The following AKAP12 variants were observed in gnomAD, a reference collection of about 807,000 sequenced individuals.
The protein encoded by AKAP12 is A-kinase anchoring protein 12.
Under a neutral mutation model 79.9 loss-of-function variants are expected in AKAP12, and 32 were observed. The ratio of observed to expected loss-of-function variants is 0.40; its 90% confidence interval spans 0.30 to 0.54. AKAP12 has a LOEUF of 0.54. AKAP12 is among the 20% of genes least tolerant of loss of function. The pLI, the probability that AKAP12 is intolerant of heterozygous loss-of-function variation, is 0.48. For synonymous variants in AKAP12, 808 were observed against 857.0 expected, an observed-to-expected ratio of 0.94 and a Z score of 1.00; for missense variants, 2,074 against 2,177.0, an observed-to-expected ratio of 0.95 and a Z score of 0.94.
At chr6:151,322,073 C>G (rs1386098697) in intron 3 of AKAP12, among the ~76,000 whole-genome samples, 3 of 152,104 alleles carry the variant, frequency 2.0e-5, no homozygotes, top group Non-Finnish European at 2.9e-5. Context: ...CCACGCCCGG[C>G]TAATTTTTGT....
rs76282856 is a variant in AKAP12, at chr6:151,343,163, T to C, written c.320-5548T>C. Among the ~76,000 whole-genome samples, 186 of 152,166 alleles carry C rather than the reference T, an allele frequency of 1.2e-3. No individual in the cohort carries two copies. The East Asian group carries it at 0.025, about 20-fold the overall frequency. Reference sequence around the variant, plus strand: ...CGGCCCTTTCAGAATGAAGCAGAAGTGTTTCCAATGGAAACACAGATTTAA... The same window carrying C: ...CGGCCCTTTCAGAATGAAGCAGAAGCGTTTCCAATGGAAACACAGATTTAA... On this transcript the variant is annotated intron_variant, in intron 3 of 4. Transcript: ENST00000402676.
In AKAP12 at chr6:151,351,023, A is replaced by G. The variant is rs150529828; in HGVS notation, c.2632A>G (p.Thr878Ala). The change falls in exon 4 of 5, where the codon ACT (threonine) becomes GCT (alanine). Residue 878 changes from threonine (T) to alanine (A), a missense_variant. Physicochemically the swap from Thr to Ala is moderately conservative, Grantham distance 58. Around this residue, in one of 3 missense-constraint regions of AKAP12, gnomAD observed 1,428 missense variants for 1,451.0 expected, o/e 0.98. Coordinates refer to ENST00000402676, the MANE Select transcript of AKAP12 (RefSeq NM_005100.4). This position sits in a 1 kb window ranked among gnomAD's most constrained non-coding sequence, Gnocchi z 4.4. The stretch of plus-strand genomic sequence containing the variant: ...AGAGCAGCCCGAGCAGAAGGCAGCC[A>G]CTGAGGTGTCCAAGGAGCTCAGCGA... ...SAEQPEQKAA[T>A]EVSKELSESQ... 185 of 1,614,148 alleles carry G rather than the reference A, an allele frequency of 1.1e-4. No individual in the cohort carries two copies. The highest frequency in any genetic ancestry group is 1.4e-4 in the Non-Finnish European group (170 of 1,180,030).
intron 2 of AKAP12, among the ~76,000 whole-genome samples, chr6:151,248,727 C>A (rs922570503): frequency 5.3e-5 from 8 of 152,130 alleles, no homozygotes; most frequent in African/African-American, 1.2e-4. Flanking sequence ...TGGTGGCTCA[C>A]GCCTGTAATC....
At chr6:151,318,109 G>A (rs145324139) in intron 3 of AKAP12, among the ~76,000 whole-genome samples, 1 of 152,090 alleles carries the variant, frequency 6.6e-6, no homozygotes, top group Non-Finnish European at 1.5e-5. Context: ...GCCTTTGTGA[G>A]GTACTTAGGT....
rs779322956 is a variant in AKAP12, at chr6:151,352,879, A to C, written c.4488A>C (p.Leu1496Phe). The C allele has an allele frequency of 2.4e-5, 38 of 1,614,218 alleles. No individual in the cohort carries two copies. The highest frequency in any genetic ancestry group is 3.2e-5 in the Non-Finnish European group (38 of 1,180,044). Residue 1496 changes from leucine to phenylalanine, a missense_variant, in exon 4 of 5, where the codon TTA (leucine) becomes TTC (phenylalanine). Leu to Phe is a conservative substitution (Grantham distance 22). This residue lies in a region of AKAP12 where 614 missense variants were observed against 665.6 expected (regional missense o/e 0.92). Coordinates refer to ENST00000402676, the MANE Select transcript of AKAP12 (RefSeq NM_005100.4). ...VIVSATTKKGLSSDLEGEKTT... is the reference protein window; with the variant it reads ...VIVSATTKKGFSSDLEGEKTT... ...TATCTGCTACTACCAAGAAAGGCTTAAGTTCCGACCTGGAAGGAGAGAAAA... is the reference window on the plus strand; with the variant it reads ...TATCTGCTACTACCAAGAAAGGCTTCAGTTCCGACCTGGAAGGAGAGAAAA...
intron 2 of AKAP12, among the ~76,000 whole-genome samples, chr6:151,241,011 G>C (rs1355085314): frequency 6.6e-6 from 1 of 152,188 alleles, no homozygotes; most frequent in African/African-American, 2.4e-5. Flanking sequence ...TGCCCACGGC[G>C]GCTGAGCCTT....
chr6:151,336,574 G>A (rs222571), intron 3 of AKAP12, among the ~76,000 whole-genome samples: 3,329 of 152,048 alleles, frequency 0.022, 40 homozygotes, highest in Non-Finnish European at 0.031. Flanking sequence ...GTGAAACCCC[G>A]TCTCTACTAA....
In AKAP12 at chr6:151,351,677, G is replaced by A. The variant is rs3734797; in HGVS notation, c.3286G>A (p.Val1096Ile). The change falls in exon 4 of 5, where the codon GTA becomes ATA. Residue 1096 changes from valine (V) to isoleucine (I), a missense_variant. By Grantham distance (29) the Val-to-Ile change is conservative. Coordinates refer to ENST00000402676, the MANE Select transcript of AKAP12 (RefSeq NM_005100.4). This position sits in a 1 kb window ranked among gnomAD's most constrained non-coding sequence, Gnocchi z 4.4. Reference sequence around the variant, plus strand: ...GAAAGAGACGGATGTAGTGTTGAAAGTAGATGCTCAGGAGGCAAAAACTGA... The same window carrying A: ...GAAAGAGACGGATGTAGTGTTGAAAATAGATGCTCAGGAGGCAAAAACTGA... ...LKKETDVVLK[V>I]DAQEAKTEPF... 0.029 allele frequency: 47,000 copies of A among 1,614,142 alleles called. 1,430 individuals are homozygous for A. The highest frequency in any genetic ancestry group is 0.13 in the East Asian group (5,673 of 44,876).
chr6:151,277,953 T>C (rs1192114209), intron 2 of AKAP12, among the ~76,000 whole-genome samples: 2 of 113,928 alleles, frequency 1.8e-5, no homozygotes, highest in African/African-American at 7.3e-5. Context: ...TATGTGTGTG[T>C]GTGTGTGTGT....
intron 2 of AKAP12, among the ~76,000 whole-genome samples, chr6:151,255,529 G>A (rs1471362211): frequency 1.3e-5 from 2 of 152,158 alleles, no homozygotes; most frequent in South Asian, 2.1e-4. Context: ...CAGGCGTAGT[G>A]GCTCATGCCT....
chr6:151,307,898 T>C (rs1248479204), intron 3 of AKAP12, among the ~76,000 whole-genome samples: 1 of 152,176 alleles, frequency 6.6e-6, no homozygotes, highest in Non-Finnish European at 1.5e-5. Context: ...TCAGTCTCAC[T>C]CTGTCGCCCA....
chr6:151,297,572 CAAA>C (rs3029353), intron 2 of AKAP12, among the ~76,000 whole-genome samples: 11,667 of 122,356 alleles, frequency 0.095, 730 homozygotes, highest in East Asian at 0.3. Flanking sequence ...GAGTTCGTCT[CAAA>C]AAAAAAAAAA....
At chr6:151,276,687 T>C (rs1776296514) in intron 2 of AKAP12, among the ~76,000 whole-genome samples, 1 of 152,232 alleles carries the variant, frequency 6.6e-6, no homozygotes, top group Non-Finnish European at 1.5e-5. Context: ...CACAAAACAC[T>C]AGGGGATCCA....
chr6:151,277,971 TG>T (rs1776318166), intron 2 of AKAP12, among the ~76,000 whole-genome samples: 2 of 84,882 alleles, frequency 2.4e-5, no homozygotes, highest in African/African-American at 6.8e-5. Flanking sequence ...TGTGTGTGTG[TG>T]TCTGTCTGTT....
intron 3 of AKAP12, among the ~76,000 whole-genome samples, chr6:151,344,932 T>TA (rs1467363432): frequency 3.3e-5 from 5 of 152,208 alleles, no homozygotes; most frequent in Admixed American, 1.3e-4. Flanking sequence ...ATTTCATAAA[T>TA]AAGAAAATTA....
intron 3 of AKAP12, chr6:151,343,964 A>T (rs1412458975): frequency 2.2e-6 from 1 of 453,676 alleles, no homozygotes; most frequent in Admixed American, 3.1e-5. Flanking sequence ...GAGTGTATAT[A>T]TCTAAAATGT....
At chr6:151,254,355 T>G (rs1310421556) in intron 2 of AKAP12, among the ~76,000 whole-genome samples, 1 of 95,738 alleles carries the variant, frequency 1.0e-5, no homozygotes, top group Non-Finnish European at 2.3e-5. Context: ...AGTTTTAGAT[T>G]AGTCTTTTTT....
intron 3 of AKAP12, among the ~76,000 whole-genome samples, chr6:151,331,432 T>G (rs1777663495): frequency 6.6e-6 from 1 of 152,182 alleles, no homozygotes; most frequent in African/African-American, 2.4e-5. Context: ...CTTTCCACAC[T>G]TATTATTAAG....
At chr6:151,341,492 G>A (rs929509394) in intron 3 of AKAP12, among the ~76,000 whole-genome samples, 20 of 152,238 alleles carry the variant, frequency 1.3e-4, no homozygotes, top group African/African-American at 4.6e-4. Flanking sequence ...ACCCCCGGGG[G>A]TTTCCTGGGA....
Sources: gnomAD v4.1 joint callset for allele counts (sites outside exome capture counted in the v4.1 genomes callset) on GRCh38, gnomAD v4.1.1 for gene constraint, gnomAD v4.1.1 regional missense constraint, Gnocchi (gnomAD v3.1) non-coding constraint, MANE v1.5 for transcripts, NCBI Gene and HGNC (gene_info 2026-07-23, HGNC 2026-07-21) for gene names.